CDH12: variants seen among roughly 807,000 people sequenced by gnomAD.
CDH12 encodes the protein cadherin 12, also known as cadherin-12.
A neutral mutation model predicts 74.1 loss-of-function variants in CDH12; 41 were observed. The ratio of observed to expected loss-of-function variants is 0.55; its 90% confidence interval spans 0.43 to 0.72. The LOEUF (loss-of-function observed/expected upper bound fraction) is 0.72, where lower values mean the gene tolerates loss of function less well. CDH12 is among the 30% of genes least tolerant of loss of function. CDH12 has a pLI of 0.00. For synonymous variants in CDH12, 399 were observed against 355.0 expected (o/e 1.12, Z -1.39); for missense variants, 945 against 977.2 (o/e 0.97, Z 0.44).
chr5:22,452,647 T>C (rs1745090895), intron 2 of CDH12, among the ~76,000 whole-genome samples: 1 of 151,762 alleles, frequency 6.6e-6, no homozygotes, highest in Admixed American at 6.6e-5. Flanking sequence ...AAATTCTTCA[T>C]GGCATGGGAC....
chr5:21,774,728 A>G (rs1013316024), intron 11 of CDH12, among the ~76,000 whole-genome samples: 6 of 152,218 alleles, frequency 3.9e-5, no homozygotes, highest in Non-Finnish European at 8.8e-5. Flanking sequence ...ACACTCATGT[A>G]AAACAAGGCA....
At chr5:22,835,517 A>G (rs1409768938) in intron 1 of CDH12, among the ~76,000 whole-genome samples, 1 of 152,148 alleles carries the variant, frequency 6.6e-6, no homozygotes, top group African/African-American at 2.4e-5. Flanking sequence ...TGGGGGCTAG[A>G]TCAAGGAGAA....
At chr5:22,203,470 C>A (rs1158713056) in intron 4 of CDH12, among the ~76,000 whole-genome samples, 2 of 152,014 alleles carry the variant, frequency 1.3e-5, no homozygotes. Flanking sequence ...GTATATATAC[C>A]ACATTTTCCT....
At chr5:22,494,906 C>T (rs1031950962) in intron 2 of CDH12, among the ~76,000 whole-genome samples, 2 of 152,164 alleles carry the variant, frequency 1.3e-5, no homozygotes, top group Non-Finnish European at 2.9e-5. Context: ...TCATGCGTAC[C>T]TTTAATATTC....
intron 5 of CDH12, among the ~76,000 whole-genome samples, chr5:22,026,615 G>C (rs1738377922): frequency 6.6e-6 from 1 of 152,122 alleles, no homozygotes; most frequent in African/African-American, 2.4e-5. Context: ...TGCTTCTAAT[G>C]AGTTAGATTA....
intron 5 of CDH12, among the ~76,000 whole-genome samples, chr5:22,046,307 C>T (rs1467595092): frequency 3.9e-5 from 6 of 152,098 alleles, no homozygotes; most frequent in African/African-American, 1.4e-4. Context: ...CAGCCAAGTC[C>T]TGCCACCATT....
chr5:22,496,058 C>T (rs1181624919), intron 2 of CDH12, among the ~76,000 whole-genome samples: 1 of 152,036 alleles, frequency 6.6e-6, no homozygotes, highest in Non-Finnish European at 1.5e-5. Flanking sequence ...ATTCTTGGAC[C>T]AATATTATTT....
chr5:22,760,464 A>C (rs1746147614), intron 1 of CDH12, among the ~76,000 whole-genome samples: 1 of 152,116 alleles, frequency 6.6e-6, no homozygotes, highest in Admixed American at 6.5e-5. Flanking sequence ...GTGGATCAAA[A>C]GGTCAGGAGT....
intron 6 of CDH12, among the ~76,000 whole-genome samples, chr5:21,923,531 T>C (rs1754454090): frequency 6.6e-6 from 1 of 152,172 alleles, no homozygotes; most frequent in South Asian, 2.1e-4. Flanking sequence ...TAGTATAATG[T>C]TCCTTCCAAC....
intron 6 of CDH12, among the ~76,000 whole-genome samples, chr5:21,913,786 C>CCACCT (rs1238081918): frequency 1.3e-5 from 2 of 151,994 alleles, no homozygotes; most frequent in African/African-American, 4.8e-5. Context: ...AGCGAGCCTC[C>CCACCT]CACCTCAGCC....
At chr5:21,782,400 C>A (rs906442508) in intron 11 of CDH12, among the ~76,000 whole-genome samples, 3 of 152,132 alleles carry the variant, frequency 2.0e-5, no homozygotes, top group Non-Finnish European at 4.4e-5. Flanking sequence ...CATGTTTGTT[C>A]GGAGTTGTTG....
At chr5:22,400,416 A>G (rs1054470694) in intron 3 of CDH12, among the ~76,000 whole-genome samples, 3 of 152,086 alleles carry the variant, frequency 2.0e-5, no homozygotes, top group African/African-American at 7.2e-5. Flanking sequence ...GAGATTAAAT[A>G]TATAGAATAG....
chr5:21,765,238 G>A (rs961309864), intron 11 of CDH12, 139 bp from the exon 12 acceptor site: 7 of 602,796 alleles, frequency 1.2e-5, no homozygotes, highest in African/African-American at 5.8e-5. Flanking sequence ...AATCCTGGGG[G>A]TTCCAACTAC....
chr5:22,670,792 C>G (rs1267770532), intron 1 of CDH12, among the ~76,000 whole-genome samples: 2 of 151,854 alleles, frequency 1.3e-5, no homozygotes, highest in Non-Finnish European at 2.9e-5. Flanking sequence ...TTGGTTCCTC[C>G]CATTTTTCAT....
At chr5:21,904,883 A>G (rs1352776922) in intron 6 of CDH12, among the ~76,000 whole-genome samples, 1 of 152,208 alleles carries the variant, frequency 6.6e-6, no homozygotes, top group South Asian at 2.1e-4. Context: ...GATGTGGTTT[A>G]TACCACTGCA....
At chr5:22,371,774 C>G (rs1288289332) in intron 3 of CDH12, among the ~76,000 whole-genome samples, 2 of 151,978 alleles carry the variant, frequency 1.3e-5, no homozygotes, top group African/African-American at 4.8e-5. Flanking sequence ...AAGGTACCCT[C>G]AAAGGATTGA....
intron 3 of CDH12, among the ~76,000 whole-genome samples, chr5:22,372,718 C>G (rs140168190): frequency 1.3e-5 from 2 of 152,276 alleles, no homozygotes; most frequent in African/African-American, 2.4e-5. Context: ...CCTTCCCACA[C>G]TTCTCCCACT....
intron 1 of CDH12, among the ~76,000 whole-genome samples, chr5:22,778,051 C>T (rs1487635541): frequency 1.3e-5 from 2 of 152,108 alleles, no homozygotes; most frequent in African/African-American, 4.8e-5. Context: ...GTGATCAGCC[C>T]ACCTCAGCCT....
chr5:21,769,166 T>G (rs907872064), intron 11 of CDH12, among the ~76,000 whole-genome samples: 2 of 152,052 alleles, frequency 1.3e-5, no homozygotes, highest in Non-Finnish European at 2.9e-5. Flanking sequence ...GGTAAAAGAC[T>G]TTTTTATTCT....
Sources: gnomAD v4.1 joint callset for allele counts (sites outside exome capture counted in the v4.1 genomes callset) on GRCh38, gnomAD v4.1.1 for gene constraint, MANE v1.5 for transcripts, NCBI Gene and HGNC (gene_info 2026-07-23, HGNC 2026-07-21) for gene names.